The following LONRF2 variants were observed in gnomAD, a reference collection of about 807,000 sequenced individuals.
The protein encoded by LONRF2 is LON peptidase N-terminal domain and RING finger protein 2.
LONRF2 carries 35 observed loss-of-function variants against 66.6 expected under a neutral mutation model. The observed-to-expected ratio is 0.53, with a 90% confidence interval of 0.40 to 0.70. The LOEUF is 0.70. Among genes scored for constraint, LONRF2 ranks in the 30% least tolerant of loss-of-function variants. The pLI is 0.00. For missense variants in LONRF2, 902 were observed against 1,002.1 expected, an observed-to-expected ratio of 0.90 and a Z score of 1.35; for synonymous variants, 417 against 418.1, an observed-to-expected ratio of 1.00 and a Z score of 0.03.
intron 7 of LONRF2, among the ~76,000 whole-genome samples, chr2:100,297,128 CT>C (rs72183271): frequency 0.29 from 42,140 of 146,312 alleles, 6,873 homozygotes; most frequent in East Asian, 0.46. Flanking sequence ...AGCTTCTATT[CT>C]TTTTTTTTTT....
chr2:100,316,338 A>T (rs1183204979), intron 1 of LONRF2, among the ~76,000 whole-genome samples: 1 of 141,462 alleles, frequency 7.1e-6, no homozygotes, highest in Non-Finnish European at 1.5e-5. Context: ...AAAAAAAAAA[A>T]GAAAGAAAAT....
chr2:100,272,316 C>G lies in LONRF2; in HGVS notation c.*11982G>C, dbSNP rs933081692. Among the ~76,000 whole-genome samples, 5 of 152,102 alleles carry G rather than the reference C, an allele frequency of 3.3e-5. No individual in the cohort carries two copies. The highest frequency in any genetic ancestry group is 2.6e-4 in the Admixed American group (4 of 15,284). On this transcript the variant is annotated 3_prime_UTR_variant, in exon 12 of 12. Transcript: ENST00000393437. ...GAATTTGAGACCAGCTTGGGCAACA[C>G]AGCTAGACCTCGTCTCCATAGAAAG...
chr2:100,298,281 T>C (rs1332368513), intron 7 of LONRF2, among the ~76,000 whole-genome samples: 6 of 152,244 alleles, frequency 3.9e-5, no homozygotes, highest in African/African-American at 1.4e-4. Context: ...ATAGTTTATA[T>C]TGGGGCTAAA....
At chr2:100,313,142 C>T (rs1455476634) in intron 1 of LONRF2, among the ~76,000 whole-genome samples, 1 of 152,174 alleles carries the variant, frequency 6.6e-6, no homozygotes, top group Admixed American at 6.5e-5. Flanking sequence ...AGGGTTACTG[C>T]TATAAAATCT....
Position 100,321,990 on chromosome 2 carries a change from C to G in LONRF2, c.104G>C (p.Arg35Pro), listed in dbSNP as rs1675645194. 2.7e-6 allele frequency: 4 copies of G among 1,461,318 alleles called. No individual in the cohort carries two copies. Among genetic ancestry groups the G allele is most frequent in the Non-Finnish European group, 3.6e-6 (4 of 1,108,052 alleles). The allele number at this position is 1,461,318 out of a possible 1,614,324, so 90.5% of individuals were successfully genotyped here. A position where few individuals can be genotyped will look rare whatever the true frequency, so the allele number is the denominator to read the frequency against. ...QRLEEGDEAF[R>P]AGDYEMAAEL... The stretch of plus-strand genomic sequence containing the variant: ...GGCTGCCATCTCGTAGTCGCCCGCG[C>G]GGAAGGCCTCGTCGCCCTCCTCTAA... The change falls in exon 1 of 12, where the codon CGC (arginine) becomes CCC (proline). Residue 35 changes from arginine to proline, a missense_variant. Transcript: ENST00000393437.
intron 3 of LONRF2, among the ~76,000 whole-genome samples, chr2:100,301,808 T>C (rs1461066031): frequency 6.6e-6 from 1 of 152,168 alleles, no homozygotes; most frequent in Non-Finnish European, 1.5e-5. Context: ...TGAGAATCAG[T>C]TGAGATATGT....
In LONRF2 at chr2:100,314,499, T is replaced by C. The variant is rs146679281; in HGVS notation, c.680-5274A>G. ...AGATTGGCTTTTTCTTTTTGAATCA[T>C]AGGCATTATTTATTCTGCATTAGAG... is the stretch of plus-strand genomic sequence containing the variant. On this transcript the variant is annotated intron_variant, in intron 1 of 11. Transcript: ENST00000393437. Among the ~76,000 whole-genome samples, 1,229 of 152,320 alleles carry C rather than the reference T, an allele frequency of 8.1e-3. 12 individuals carry two copies. Among genetic ancestry groups the C allele is most frequent in the African/African-American group, 0.027 (1,143 of 41,564 alleles).
intron 4 of LONRF2, 91 bp downstream of exon 4, chr2:100,300,552 CA>C: frequency 7.9e-7 from 1 of 1,263,534 alleles, no homozygotes; most frequent in Non-Finnish European, 1.1e-6. Context: ...AACATAATGC[CA>C]TAATGTGTGA....
At chr2:100,320,970 A>G (rs1397426048) in intron 1 of LONRF2, among the ~76,000 whole-genome samples, 2 of 152,216 alleles carry the variant, frequency 1.3e-5, no homozygotes, top group Non-Finnish European at 2.9e-5. Flanking sequence ...AGCAGAGTGG[A>G]GGCGGTTCCT....
At chr2:100,290,835 G>T (rs897013872) in intron 9 of LONRF2, among the ~76,000 whole-genome samples, 7 of 152,198 alleles carry the variant, frequency 4.6e-5, no homozygotes, top group African/African-American at 1.7e-4. Context: ...CACTCCGATT[G>T]TAACTATCAC....
Position 100,272,598 on chromosome 2 carries a change from C to A in LONRF2, c.*11700G>T, listed in dbSNP as rs1456731215. 6.6e-6 allele frequency among the ~76,000 whole-genome samples: 1 copy of A among 151,072 alleles called. No homozygotes were observed. Among genetic ancestry groups the A allele is most frequent in the Non-Finnish European group, 1.5e-5 (1 of 67,896 alleles). ...GATGGGAAAGGTATCATAAAGGTGC[C>A]AGGAAGTTAATAAAAATACTTTTCA... is the stretch of plus-strand genomic sequence containing the variant. On this transcript the variant is annotated 3_prime_UTR_variant, in exon 12 of 12. Coordinates refer to ENST00000393437, the MANE Select transcript of LONRF2 (RefSeq NM_198461.4).
chr2:100,310,676 T>C (rs1320174148), intron 1 of LONRF2, among the ~76,000 whole-genome samples: 1 of 152,208 alleles, frequency 6.6e-6, no homozygotes, highest in Non-Finnish European at 1.5e-5. Flanking sequence ...TTTTAATTAT[T>C]AAGAGAGACA....
Position 100,271,894 on chromosome 2 carries a change from G to A in LONRF2, c.*12404C>T, listed in dbSNP as rs549516651. ...AAGTACTCATTTTCCTTATGACTCCGAGCTTTATTTCCAACAATGTCCGTC... is the reference window on the plus strand; with the variant it reads ...AAGTACTCATTTTCCTTATGACTCCAAGCTTTATTTCCAACAATGTCCGTC... On this transcript the variant is annotated 3_prime_UTR_variant, in exon 12 of 12. Coordinates refer to ENST00000393437, the MANE Select transcript of LONRF2 (RefSeq NM_198461.4). Among the ~76,000 whole-genome samples, 16 of 152,310 alleles carry A rather than the reference G, an allele frequency of 1.1e-4. No individual in the cohort carries two copies. Among genetic ancestry groups the A allele is most frequent in the South Asian group, 4.1e-4 (2 of 4,826 alleles).
At chr2:100,296,488 G>A (rs1675070220) in intron 7 of LONRF2, among the ~76,000 whole-genome samples, 1 of 152,166 alleles carries the variant, frequency 6.6e-6, no homozygotes, top group African/African-American at 2.4e-5. Flanking sequence ...TCTTTCCTTG[G>A]TGGCCTGCTG....
chr2:100,314,115 T>C (rs1297222993), intron 1 of LONRF2, among the ~76,000 whole-genome samples: 1 of 152,068 alleles, frequency 6.6e-6, no homozygotes, highest in African/African-American at 2.4e-5. Context: ...TTTTATCTAG[T>C]ATATACTCAA....
At chr2:100,315,397 G>A (rs1473785105) in intron 1 of LONRF2, among the ~76,000 whole-genome samples, 2 of 152,092 alleles carry the variant, frequency 1.3e-5, no homozygotes, top group Non-Finnish European at 2.9e-5. Flanking sequence ...AATAATGACA[G>A]TTTTTTGTTT....
intron 4 of LONRF2, among the ~76,000 whole-genome samples, chr2:100,300,311 T>TA (rs1486230123): frequency 6.6e-6 from 1 of 152,174 alleles, no homozygotes; most frequent in Non-Finnish European, 1.5e-5. Context: ...GCAGGTTTGT[T>TA]ACATATGTAT....
At chr2:100,309,593 T>C (rs1675368873) in intron 1 of LONRF2, 1 of 154,494 alleles carries the variant, frequency 6.5e-6, no homozygotes, top group South Asian at 2.1e-4. Flanking sequence ...ACTAGGTATT[T>C]TTAGAAGAGA....
intron 10 of LONRF2, among the ~76,000 whole-genome samples, chr2:100,289,790 C>T (rs1269511620): frequency 1.3e-5 from 2 of 152,048 alleles, no homozygotes; most frequent in African/African-American, 4.8e-5. Context: ...AGGTAAAAAT[C>T]CACTGAGAAA....
Sources: gnomAD v4.1 joint callset for allele counts (sites outside exome capture counted in the v4.1 genomes callset) on GRCh38, gnomAD v4.1.1 for gene constraint, MANE v1.5 for transcripts, NCBI Gene and HGNC (gene_info 2026-07-23, HGNC 2026-07-21) for gene names.